BCR: variants seen among roughly 807,000 people sequenced by gnomAD.
BCR encodes breakpoint cluster region protein.
A neutral mutation model predicts 138.6 loss-of-function variants in BCR; 58 were observed. That is an observed-to-expected ratio of 0.42 (90% CI 0.34 to 0.52). BCR has a LOEUF of 0.52. BCR is among the 20% of genes least tolerant of loss of function. The pLI, the probability that BCR is intolerant of heterozygous loss-of-function variation, is 0.06. For synonymous variants in BCR, 786 were observed against 730.1 expected, an observed-to-expected ratio of 1.08 and a Z score of -1.23; for missense variants, 1,599 against 1,727.2, an observed-to-expected ratio of 0.93 and a Z score of 1.32.
Position 23,181,032 on chromosome 22 carries a change from G to A in BCR, c.72G>A (p.Glu24=), listed in dbSNP as rs537413302. Residue 24 remains glutamate (E), a synonymous_variant, in exon 1 of 23, where the codon GAG becomes GAA. Transcript: ENST00000305877. ...CGGACTCAGAGCCCCCGCGCATGGA[G>A]CTGCGCTCAGTGGGCGACATCGAGC... The part of the protein sequence containing the change: ...QFPDSEPPRM[E]LRSVGDIEQE... 3 of 1,519,186 alleles carry A rather than the reference G, an allele frequency of 2.0e-6. No individual in the cohort carries two copies. The highest frequency in any genetic ancestry group is 2.8e-5 in the African/African-American group (2 of 70,540). 94.1% of individuals were successfully genotyped at this position (1,519,186 alleles called of 1,614,324 possible).
At position 23,313,947 on chromosome 22, in the gene BCR, GTA is replaced by G. The variant is rs745982357; in HGVS notation, c.3458-20_3458-19del. On this transcript the variant is annotated intron_variant, in intron 20 of 22. Transcript: ENST00000305877. Reference sequence around the variant, plus strand: ...CTCTGGCTCGTTGTGACCCCAAGGAGTAACCCACCGCCTTCTGCAGCTCTTTC... The same window carrying G: ...CTCTGGCTCGTTGTGACCCCAAGGAGACCCACCGCCTTCTGCAGCTCTTTC... 30 of 1,606,688 alleles carry G rather than the reference GTA, an allele frequency of 1.9e-5. No homozygotes were observed. In the South Asian group the frequency reaches 3.1e-4, roughly 16 times the overall value.
intron 1 of BCR, among the ~76,000 whole-genome samples, chr22:23,244,526 C>T (rs1013908787): frequency 6.6e-6 from 1 of 152,186 alleles, no homozygotes; most frequent in African/African-American, 2.4e-5. Flanking sequence ...CTCCCTCCTG[C>T]ATGTGCTCCG....
intron 1 of BCR, among the ~76,000 whole-genome samples, chr22:23,252,432 C>CTTTTTTT (rs71200842): frequency 1.7e-5 from 2 of 117,934 alleles, no homozygotes; most frequent in African/African-American, 3.5e-5. Flanking sequence ...CTTTTCTTTT[C>CTTTTTTT]TTTTTTTTTT....
chr22:23,284,526 G>C (rs2073688440), intron 9 of BCR, among the ~76,000 whole-genome samples: 1 of 152,134 alleles, frequency 6.6e-6, no homozygotes, highest in Non-Finnish European at 1.5e-5. Context: ...GCACCAGGTT[G>C]GAATGGAGCA....
Position 23,314,032 on chromosome 22 carries a change from C to A in BCR, c.3522C>A (p.Ala1174=). Residue 1174 remains alanine, a synonymous_variant, in exon 21 of 23, where the codon GCC becomes GCA. Transcript: ENST00000305877. The part of the protein sequence containing the change: ...MLNLLLSLPE[A]NLLTFLFLLD... ...ACCTGCTGCTGTCCCTGCCGGAGGC[C>A]AACCTGCTCACCTTCCTTTTCCTTC... 1 of 1,613,944 alleles carries A rather than the reference C, an allele frequency of 6.2e-7. No individual in the cohort carries two copies.
chr22:23,313,169 A>G (rs1386960760), intron 20 of BCR, 148 bp downstream of exon 20: 2 of 1,014,888 alleles, frequency 2.0e-6, no homozygotes, highest in African/African-American at 1.6e-5. Context: ...AAAGCAGGGG[A>G]CCAGAACCGA....
chr22:23,206,743 G>A (rs890044898), intron 1 of BCR, among the ~76,000 whole-genome samples: 1 of 152,062 alleles, frequency 6.6e-6, no homozygotes, highest in African/African-American at 2.4e-5. Context: ...CTGAGAAAGG[G>A]GTAGCTGTGC....
intron 1 of BCR, among the ~76,000 whole-genome samples, chr22:23,213,771 T>C (rs999043383): frequency 1.3e-5 from 2 of 150,992 alleles, no homozygotes; most frequent in African/African-American, 4.9e-5. Flanking sequence ...AGTTCAAGGC[T>C]ATAGTGAGCT....
rs578056031 is a variant in BCR at position 23,287,964 on chromosome 22, C to G, written c.2527-133C>G. Reference sequence around the variant, plus strand: ...GAGTGCCGGAAGCGACATGCCAGGCCGTGAGCACACCTGGCCACTGGGCTC... The same window carrying G: ...GAGTGCCGGAAGCGACATGCCAGGCGGTGAGCACACCTGGCCACTGGGCTC... On this transcript the variant is annotated intron_variant, in intron 11 of 22. Transcript: ENST00000305877. The G allele has an allele frequency of 3.7e-6, 3 of 816,172 alleles. No homozygotes were observed. The East Asian group carries it at 7.6e-5, about 21-fold the overall frequency. The allele number at this position is 816,172 out of a possible 1,614,324, so 50.6% of individuals were successfully genotyped here.
chr22:23,231,863 C>T (rs879572260), intron 1 of BCR, among the ~76,000 whole-genome samples: 4 of 152,170 alleles, frequency 2.6e-5, no homozygotes, highest in South Asian at 2.1e-4. Flanking sequence ...GGGGGTGGCA[C>T]GTCTCAGGCT....
chr22:23,314,535 G>A lies in BCR; in HGVS notation c.3564-17G>A. On this transcript the variant is annotated splice_polypyrimidine_tract_variant and intron_variant, in intron 21 of 22. Transcript: ENST00000305877. ...GGGTGGCGTTGAAACAGCACCCGCT[G>A]CTTTGGTCCTCTACAGGGTGGCAGA... 6.2e-7 allele frequency: 1 copy of A among 1,611,922 alleles called. No homozygotes were observed. The highest frequency in any genetic ancestry group is 8.5e-7 in the Non-Finnish European group (1 of 1,179,820).
At chr22:23,213,976 A>G (rs1330184630) in intron 1 of BCR, among the ~76,000 whole-genome samples, 1 of 152,184 alleles carries the variant, frequency 6.6e-6, no homozygotes, top group Non-Finnish European at 1.5e-5. Flanking sequence ...AAAATACAGT[A>G]AGTTTCCTCA....
intron 2 of BCR, among the ~76,000 whole-genome samples, chr22:23,255,275 C>G (rs1602068770): frequency 6.6e-6 from 1 of 152,270 alleles, no homozygotes; most frequent in African/African-American, 2.4e-5. Flanking sequence ...GTAACATGTA[C>G]CTGCTCCGTG....
rs185926044 is a variant in BCR, at chr22:23,269,930, T to C, written c.1860+1415T>C. Among the ~76,000 whole-genome samples, 45 of 152,146 alleles carry C rather than the reference T, an allele frequency of 3.0e-4. 1 individual carries two copies. In the South Asian group the frequency reaches 4.4e-3, roughly 15 times the overall value. Reference sequence around the variant, plus strand: ...GGGGATCACGTGGTGCCACCAACCATGCACCAGTGGATTCTGAGCCATGGT... The same window carrying C: ...GGGGATCACGTGGTGCCACCAACCACGCACCAGTGGATTCTGAGCCATGGT... On this transcript the variant is annotated intron_variant, in intron 5 of 22. Transcript: ENST00000305877.
At position 23,311,908 on chromosome 22, in the gene BCR, C is replaced by T. The variant is rs1334830217; in HGVS notation, c.3322+72C>T. On this transcript the variant is annotated intron_variant, in intron 19 of 22. Coordinates refer to ENST00000305877, the MANE Select transcript of BCR (RefSeq NM_004327.4). The stretch of plus-strand genomic sequence containing the variant: ...GTCCGCGATGAGATCTCAGAGTGCT[C>T]CATGGCCCAGGCATGTCACATCCTT... 6.3e-6 allele frequency: 10 copies of T among 1,579,482 alleles called. No homozygotes were observed. In the East Asian group the frequency reaches 1.6e-4, roughly 25 times the overall value.
At chr22:23,262,531 GC>G (rs1412248736) in intron 4 of BCR, among the ~76,000 whole-genome samples, 1 of 152,216 alleles carries the variant, frequency 6.6e-6, no homozygotes, top group African/African-American at 2.4e-5. Context: ...GATACATGCT[GC>G]CCCCTCCATC....
intron 2 of BCR, among the ~76,000 whole-genome samples, chr22:23,255,779 C>T (rs2146269666): frequency 6.6e-6 from 1 of 152,336 alleles, no homozygotes; most frequent in South Asian, 2.1e-4. Flanking sequence ...GGTCCCCCGA[C>T]CCCTGCTCCC....
intron 1 of BCR, among the ~76,000 whole-genome samples, chr22:23,188,680 CG>C (rs1210558352): frequency 1.3e-5 from 2 of 151,980 alleles, no homozygotes; most frequent in Non-Finnish European, 2.9e-5. Flanking sequence ...GGTCAAGACT[CG>C]GGGTGGTGGT....
chr22:23,292,128 G>A (rs994016685), intron 14 of BCR, among the ~76,000 whole-genome samples: 3 of 152,166 alleles, frequency 2.0e-5, no homozygotes, highest in Admixed American at 6.5e-5. Context: ...ATAGTACAGC[G>A]GGGTCTGCTC....
Sources: gnomAD v4.1 joint callset for allele counts (sites outside exome capture counted in the v4.1 genomes callset) on GRCh38, gnomAD v4.1.1 for gene constraint, MANE v1.5 for transcripts, NCBI Gene and HGNC (gene_info 2026-07-23, HGNC 2026-07-21) for gene names.